Variants in FBXO17 observed in about 807,000 individuals in gnomAD.
FBXO17 encodes the protein F-box only protein 17.
FBXO17 carries 43 observed loss-of-function variants against 34.1 expected under a neutral mutation model. The ratio of observed to expected loss-of-function variants is 1.26; its 90% CI spans 0.99 to 1.62. FBXO17 has a LOEUF of 1.62. FBXO17 is among the 40% of genes most tolerant of loss of function. The pLI, the probability that FBXO17 is intolerant of heterozygous loss-of-function variation, is 0.00. For missense variants in FBXO17, 424 were observed against 386.7 expected, an observed-to-expected ratio of 1.10 and a Z score of -0.81; for synonymous variants, 169 against 166.0, an observed-to-expected ratio of 1.02 and a Z score of -0.14.
At chr19:38,959,873 G>A (rs546489837) in intron 1 of FBXO17, among the ~76,000 whole-genome samples, 1 of 152,130 alleles carries the variant, frequency 6.6e-6, no homozygotes, top group East Asian at 1.9e-4. Context: ...TCCAGCCTGG[G>A]TGACAGAGTG....
intron 1 of FBXO17, among the ~76,000 whole-genome samples, chr19:38,951,352 T>G (rs34656794): frequency 8.4e-4 from 128 of 151,534 alleles, no homozygotes; most frequent in African/African-American, 2.3e-3. Context: ...TTATTTATTG[T>G]TTTGTAGAGA....
At position 38,949,534 on chromosome 19, in the gene FBXO17, A is replaced by ATT. The variant is rs758914338; in HGVS notation, c.349+435_349+436dup. 8.7e-4 allele frequency among the ~76,000 whole-genome samples: 122 copies of ATT among 139,602 alleles called. 1 individual carries two copies. The East Asian group carries it at 0.011, about 12-fold the overall frequency. 91.6% of individuals were successfully genotyped at this position (139,602 alleles called of 152,430 possible). On this transcript the variant is annotated intron_variant, in intron 2 of 5. Coordinates refer to ENST00000292852, the MANE Select transcript of FBXO17 (RefSeq NM_024907.7). The stretch of plus-strand genomic sequence containing the variant: ...CAGGCGTGAGCTACTGCACCCCACC[A>ATT]TTTTTTTTTTTTTTTGAGACAAGGT...
intron 1 of FBXO17, among the ~76,000 whole-genome samples, chr19:38,955,488 T>TTTC: frequency 6.9e-6 from 1 of 144,924 alleles, no homozygotes; most frequent in South Asian, 2.1e-4. Flanking sequence ...TTCTTTCTTT[T>TTTC]TTTTTTTTTT....
intron 3 of FBXO17, chr19:38,946,788 G>C: frequency 1.7e-6 from 1 of 605,648 alleles, no homozygotes; most frequent in South Asian, 2.0e-5. Flanking sequence ...CCAGGCAGCT[G>C]ACCTCTATGA....
intron 4 of FBXO17, chr19:38,945,734 AG>A (rs933325015): frequency 1.3e-5 from 1 of 74,422 alleles, no homozygotes; most frequent in African/African-American, 6.3e-5. Context: ...CAGAACCTGG[AG>A]GAGAAGCCTG....
In FBXO17 at chr19:38,942,902, C is replaced by T. The variant is rs1600185633; in HGVS notation, c.694-151G>A. Reference sequence around the variant, plus strand: ...TGAATAAAACCGGAAAAGGACCCCGCCCTGGTGTCAGTGCCATTCTAGCAG... The same window carrying T: ...TGAATAAAACCGGAAAAGGACCCCGTCCTGGTGTCAGTGCCATTCTAGCAG... On this transcript the variant is annotated intron_variant, in intron 5 of 5. Transcript: ENST00000292852. 1.5e-5 allele frequency: 14 copies of T among 933,434 alleles called. No individual in the cohort carries two copies. In the East Asian group the frequency reaches 4.2e-4, roughly 28 times the overall value. 57.8% of individuals were successfully genotyped at this position (933,434 alleles called of 1,614,324 possible).
chr19:38,944,856 G>T, intron 5 of FBXO17, 113 bp downstream of exon 5: 3 of 1,447,030 alleles, frequency 2.1e-6, no homozygotes, highest in Non-Finnish European at 2.8e-6. Flanking sequence ...ATACTTCTTA[G>T]CTGTTATGAT....
intron 1 of FBXO17, among the ~76,000 whole-genome samples, chr19:38,968,608 C>G (rs1336499097): frequency 6.6e-6 from 1 of 152,124 alleles, no homozygotes; most frequent in Non-Finnish European, 1.5e-5. Flanking sequence ...TGCAAACTCT[C>G]ATATGCTAAT....
intron 1 of FBXO17, among the ~76,000 whole-genome samples, chr19:38,964,039 T>G (rs1207403806): frequency 6.6e-6 from 1 of 152,068 alleles, no homozygotes. Context: ...CTGCCTCGGC[T>G]TCCCAAAGTG....
intron 1 of FBXO17, among the ~76,000 whole-genome samples, chr19:38,963,763 GT>G (rs1382662064): frequency 6.6e-6 from 1 of 151,122 alleles, no homozygotes; most frequent in Non-Finnish European, 1.5e-5. Context: ...ATGTACAAGT[GT>G]TTGTGTGGAC....
intron 1 of FBXO17, among the ~76,000 whole-genome samples, chr19:38,974,588 C>G (rs1212603858): frequency 6.6e-6 from 1 of 152,002 alleles, no homozygotes; most frequent in African/African-American, 2.4e-5. Context: ...CGGAGATGAT[C>G]AAAGTTGTCT....
At chr19:38,965,489 G>C (rs1975308164) in intron 1 of FBXO17, among the ~76,000 whole-genome samples, 1 of 151,560 alleles carries the variant, frequency 6.6e-6, no homozygotes, top group African/African-American at 2.4e-5. Flanking sequence ...CACCACATCT[G>C]GCTAATTTTA....
At chr19:38,971,429 G>C (rs114335276) in intron 1 of FBXO17, among the ~76,000 whole-genome samples, 1 of 152,090 alleles carries the variant, frequency 6.6e-6, no homozygotes, top group Non-Finnish European at 1.5e-5. Context: ...CCTCTGGCAC[G>C]ATCATTCGTT....
Position 38,941,716 on chromosome 19 carries a change from C to A in FBXO17, c.*892G>T, listed in dbSNP as rs573409438. On this transcript the variant is annotated 3_prime_UTR_variant, in exon 6 of 6. Transcript: ENST00000292852. ...TGTTCCTCGCCCTCGTTCCAGTAAACCCACAACCTTCAGGGTGGGGGTCAT... is the reference window on the plus strand; with the variant it reads ...TGTTCCTCGCCCTCGTTCCAGTAAAACCACAACCTTCAGGGTGGGGGTCAT... The A allele has an allele frequency of 3.9e-5, 6 of 152,336 alleles. 1 individual carries two copies. The South Asian group carries it at 1.2e-3, about 32-fold the overall frequency. 9.4% of individuals were successfully genotyped at this position (152,336 alleles called of 1,614,324 possible). A position where few individuals can be genotyped will look rare whatever the true frequency, so the allele number is the denominator to read the frequency against.
intron 1 of FBXO17, among the ~76,000 whole-genome samples, chr19:38,958,380 C>T (rs1322773126): frequency 7.7e-6 from 1 of 130,488 alleles, no homozygotes; most frequent in Admixed American, 9.8e-5. Context: ...TGCACTCTAG[C>T]CTGGGCAACA....
intron 1 of FBXO17, among the ~76,000 whole-genome samples, chr19:38,954,578 G>GTTTTT (rs1026579584): frequency 1.1e-5 from 1 of 93,526 alleles, no homozygotes; most frequent in Non-Finnish European, 2.3e-5. Flanking sequence ...CCGAGAATGT[G>GTTTTT]TTTTTTTTTT....
chr19:38,951,155 C>T (rs770562989), intron 1 of FBXO17, among the ~76,000 whole-genome samples: 8 of 152,056 alleles, frequency 5.3e-5, no homozygotes, highest in Non-Finnish European at 1.2e-4. Context: ...TCAACCTCCT[C>T]GGACCCTAGC....
chr19:38,950,310 G>A lies in FBXO17; in HGVS notation c.10C>T (p.Arg4Trp), dbSNP rs759485828. 9 of 1,431,058 alleles carry A rather than the reference G, an allele frequency of 6.3e-6. No individual in the cohort carries two copies. Among genetic ancestry groups the A allele is most frequent in the Non-Finnish European group, 8.2e-6 (9 of 1,101,592 alleles). The allele number at this position is 1,431,058 out of a possible 1,614,324, so 88.6% of individuals were successfully genotyped here. ...GCCGGCAGCCGTCGCCGCGATAGCC[G>A]GGCGCCCATCTCCAGTAGCCAGAGT... is the stretch of plus-strand genomic sequence containing the variant. The part of the protein sequence containing the change: MGA[R>W]LSRRRLPADP... The change falls in exon 2 of 6, where the codon CGG becomes TGG. Residue 4 changes from arginine to tryptophan, a missense_variant. Arg to Trp is a moderately radical substitution (Grantham distance 101). Coordinates refer to ENST00000292852, the MANE Select transcript of FBXO17 (RefSeq NM_024907.7).
intron 1 of FBXO17, among the ~76,000 whole-genome samples, chr19:38,960,461 TTCTC>T (rs762632627): frequency 3.9e-5 from 6 of 152,140 alleles, no homozygotes; most frequent in Non-Finnish European, 8.8e-5. Flanking sequence ...CCTTAGACAT[TTCTC>T]TCTATTTTCA....
Sources: allele counts gnomAD v4.1 joint callset (sites outside exome capture counted in the v4.1 genomes callset), GRCh38; gene constraint gnomAD v4.1.1; transcripts MANE v1.5; gene names NCBI Gene and HGNC (gene_info 2026-07-23, HGNC 2026-07-21).